ACTA2: variants seen among roughly 807,000 people sequenced by gnomAD.
The protein encoded by ACTA2 is actin, aortic smooth muscle.
In ACTA2, 12 loss-of-function variants were observed where a neutral mutation model predicts 39.5. The ratio of observed to expected loss-of-function variants is 0.30; its 90% CI spans 0.19 to 0.49. ACTA2 has a LOEUF of 0.49. Ranked by LOEUF, ACTA2 falls within the 20% of genes least tolerant of loss-of-function variation. ACTA2 has a pLI of 0.99. For missense variants in ACTA2, 236 were observed against 498.8 expected (o/e 0.47, Z 5.02); for synonymous variants, 158 against 180.6 (o/e 0.88, Z 1.00).
rs1846560264 is a variant in ACTA2 at position 88,976,232 on chromosome 10, A to C, written c.-24+14707T>G. ...AAAAAAAATCGCCAAAAATCTCATAATGTTTTAAGAAAGTTTACGAATTCG... is the reference window on the plus strand; with the variant it reads ...AAAAAAAATCGCCAAAAATCTCATACTGTTTTAAGAAAGTTTACGAATTCG... On this transcript the variant is annotated intron_variant, in intron 1 of 4. Transcript: ENST00000415557. Among the ~76,000 whole-genome samples the C allele has an allele frequency of 5.9e-5, 9 of 152,310 alleles. No individual in the cohort carries two copies. The South Asian group carries it at 1.9e-3, about 32-fold the overall frequency.
At chr10:88,974,186 G>A (rs1431335684) in intron 1 of ACTA2, 1 of 151,986 alleles carries the variant, frequency 6.6e-6, no homozygotes, top group East Asian at 1.9e-4. Flanking sequence ...ACCAGACATT[G>A]AGAGGACCCA....
At chr10:88,959,447 G>A (rs1191504487) in intron 1 of ACTA2, among the ~76,000 whole-genome samples, 4 of 152,138 alleles carry the variant, frequency 2.6e-5, no homozygotes, top group Non-Finnish European at 4.4e-5. Flanking sequence ...ACAGAGGAGT[G>A]TATTAATAAT....
At chr10:88,970,793 C>T (rs1383603419) in intron 1 of ACTA2, among the ~76,000 whole-genome samples, 1 of 152,080 alleles carries the variant, frequency 6.6e-6, no homozygotes, top group African/African-American at 2.4e-5. Context: ...GGGTACAGCA[C>T]ACCAACATGG....
At chr10:88,989,631 G>A (rs200783094) in intron 1 of ACTA2, 5 of 520,498 alleles carry the variant, frequency 9.6e-6, no homozygotes, top group Admixed American at 4.0e-5. Flanking sequence ...CCCTCAGGAG[G>A]GTAACCTAAC....
chr10:88,990,418 T>G lies in ACTA2; in HGVS notation c.-24+521A>C, dbSNP rs1847089919. Reference sequence around the variant, plus strand: ...TTTAGAAAGGGCAGGAGGCCGGCTCTCGAGGTCCTCACCTGAAGTGAGCAT... The same window carrying G: ...TTTAGAAAGGGCAGGAGGCCGGCTCGCGAGGTCCTCACCTGAAGTGAGCAT... On this transcript the variant is annotated intron_variant, in intron 1 of 4. Coordinates refer to the ACTA2 transcript ENST00000415557. This position sits in a 1 kb window ranked among gnomAD's most constrained non-coding sequence, Gnocchi z 4.9. 4.4e-6 allele frequency: 2 copies of G among 457,172 alleles called. No individual in the cohort carries two copies. Among genetic ancestry groups the G allele is most frequent in the African/African-American group, 3.9e-5 (2 of 51,186 alleles). 28.3% of individuals were successfully genotyped at this position (457,172 alleles called of 1,614,324 possible).
chr10:88,989,185 A>G (rs1847019708), intron 1 of ACTA2, among the ~76,000 whole-genome samples: 1 of 152,204 alleles, frequency 6.6e-6, no homozygotes, highest in Non-Finnish European at 1.5e-5. Flanking sequence ...TAAGTAAGGA[A>G]GATCCACATA....
At chr10:88,991,194 C>T in exon 1 of ACTA2, 2 of 563,926 alleles carry the variant, frequency 3.5e-6, no homozygotes, top group African/African-American at 1.9e-5. Context: ...CCTCGGAGAC[C>T]ACTGCGCTCC....
At chr10:88,991,001 G>A in exon 1 of ACTA2, 1 of 1,564,562 alleles carries the variant, frequency 6.4e-7, no homozygotes, top group African/African-American at 1.4e-5. Flanking sequence ...GGATTGCGGC[G>A]GCAGCGGCGC....
chr10:88,970,221 C>G (rs897081244), intron 1 of ACTA2, among the ~76,000 whole-genome samples: 6 of 152,174 alleles, frequency 3.9e-5, no homozygotes, highest in African/African-American at 7.2e-5. Context: ...AGTCACTACC[C>G]TGTTTAAGGA....
At chr10:88,963,421 G>T (rs1846269823) in intron 1 of ACTA2, among the ~76,000 whole-genome samples, 1 of 152,080 alleles carries the variant, frequency 6.6e-6, no homozygotes, top group Non-Finnish European at 1.5e-5. Flanking sequence ...CTCGTCAGGA[G>T]TAAGTCTGAC....
intron 1 of ACTA2, among the ~76,000 whole-genome samples, chr10:88,952,103 C>T (rs570074884): frequency 1.3e-5 from 2 of 152,318 alleles, no homozygotes; most frequent in South Asian, 4.1e-4. Flanking sequence ...CGCTCTGCTG[C>T]AAATGACCAA....
At chr10:88,978,579 T>C (rs1213688051) in intron 1 of ACTA2, among the ~76,000 whole-genome samples, 1 of 152,138 alleles carries the variant, frequency 6.6e-6, no homozygotes, top group Non-Finnish European at 1.5e-5. Context: ...TTCTGTTCTA[T>C]TGAAAGCCAA....
chr10:88,987,395 G>A (rs1428057160), intron 1 of ACTA2, among the ~76,000 whole-genome samples: 1 of 152,170 alleles, frequency 6.6e-6, no homozygotes, highest in Non-Finnish European at 1.5e-5. Flanking sequence ...AACTTTGGGT[G>A]GTCCAGGGTT....
At chr10:88,948,739 T>C in intron 2 of ACTA2, 63 bp downstream of exon 2, 1 of 1,607,220 alleles carries the variant, frequency 6.2e-7, no homozygotes, top group Non-Finnish European at 8.5e-7. Context: ...AATCTGGGGA[T>C]AAACATGAAC....
upstream of ACTA2, among the ~76,000 whole-genome samples, chr10:88,957,423 G>A (rs111612111): frequency 5.4e-3 from 825 of 152,264 alleles, 3 homozygotes; most frequent in Middle Eastern, 0.014. Context: ...GAAGAACAGA[G>A]AGCTTTAAAA....
intron 1 of ACTA2, among the ~76,000 whole-genome samples, chr10:88,972,456 A>G (rs953457234): frequency 3.3e-5 from 5 of 152,124 alleles, no homozygotes; most frequent in African/African-American, 1.2e-4. Flanking sequence ...TATTTGATAC[A>G]GTTCGATTTA....
At chr10:88,984,498 T>G (rs1846815876) in intron 1 of ACTA2, among the ~76,000 whole-genome samples, 1 of 152,266 alleles carries the variant, frequency 6.6e-6, no homozygotes, top group African/African-American at 2.4e-5. Flanking sequence ...CAAATGTGAT[T>G]CTGCATTTAA....
At chr10:88,955,431 A>G (rs1212020776), upstream of ACTA2, among the ~76,000 whole-genome samples, 1 of 152,190 alleles carries the variant, frequency 6.6e-6, no homozygotes, top group Admixed American at 6.5e-5. Context: ...GAGCAAGGAA[A>G]CCTTTCCATT....
intron 1 of ACTA2, among the ~76,000 whole-genome samples, chr10:88,979,387 A>G (rs1367539292): frequency 6.6e-6 from 1 of 152,194 alleles, no homozygotes; most frequent in Non-Finnish European, 1.5e-5. Flanking sequence ...GACTTCAAAG[A>G]GAGACGTTCA....
Sources: gnomAD v4.1 joint callset for allele counts (sites outside exome capture counted in the v4.1 genomes callset) on GRCh38, gnomAD v4.1.1 for gene constraint, Gnocchi (gnomAD v3.1) non-coding constraint, MANE v1.5 for transcripts, NCBI Gene and HGNC (gene_info 2026-07-23, HGNC 2026-07-21) for gene names.